CCBE1: variants seen among roughly 807,000 people sequenced by gnomAD.
The protein encoded by CCBE1 is collagen and calcium binding EGF domains 1, also known as collagen and calcium-binding EGF domain-containing protein 1.
Under a neutral mutation model 50.0 loss-of-function variants are expected in CCBE1, and 37 were observed. The observed-to-expected ratio is 0.74, with a 90% CI of 0.57 to 0.97. The LOEUF (loss-of-function observed/expected upper bound fraction) is 0.97. Among genes scored for constraint, CCBE1 ranks in the 50% least tolerant of loss-of-function variants. The pLI is 0.00. For missense variants in CCBE1, 538 were observed against 523.8 expected, an observed-to-expected ratio of 1.03 and a Z score of -0.26; for synonymous variants, 234 against 203.7, an observed-to-expected ratio of 1.15 and a Z score of -1.27.
At chr18:59,519,696 T>C (rs1437318149) in intron 2 of CCBE1, among the ~76,000 whole-genome samples, 2 of 152,242 alleles carry the variant, frequency 1.3e-5, no homozygotes, top group African/African-American at 2.4e-5. Context: ...TTTGTCAATT[T>C]TGGCTTTTGT....
chr18:59,558,809 G>A (rs2052689241), intron 2 of CCBE1, among the ~76,000 whole-genome samples: 1 of 152,222 alleles, frequency 6.6e-6, no homozygotes, highest in African/African-American at 2.4e-5. Context: ...AGCTGTGTAT[G>A]GGGGTGGCCA....
chr18:59,641,762 A>G (rs953883334), intron 2 of CCBE1, among the ~76,000 whole-genome samples: 1 of 152,174 alleles, frequency 6.6e-6, no homozygotes, highest in Non-Finnish European at 1.5e-5. Flanking sequence ...CAAAAGTCCA[A>G]AGGGATAACA....
intron 2 of CCBE1, among the ~76,000 whole-genome samples, chr18:59,594,101 T>A (rs2053315740): frequency 6.6e-6 from 1 of 152,156 alleles, no homozygotes; most frequent in East Asian, 1.9e-4. Flanking sequence ...AAATACCAAG[T>A]TCTCTCTCCT....
At chr18:59,437,975 C>A in intron 10 of CCBE1, 136 bp downstream of exon 10, 1 of 719,522 alleles carries the variant, frequency 1.4e-6, no homozygotes, top group Non-Finnish European at 2.4e-6. Context: ...TCTTCCTAAC[C>A]ACAGAGTTCT....
chr18:59,576,840 G>A (rs1466472780), intron 2 of CCBE1, among the ~76,000 whole-genome samples: 4 of 152,196 alleles, frequency 2.6e-5, no homozygotes, highest in Non-Finnish European at 5.9e-5. Context: ...CTAAAGATCT[G>A]TTTGCTGTCT....
chr18:59,697,626 G>C (rs1050953366), upstream of CCBE1: 12 of 436,070 alleles, frequency 2.8e-5, no homozygotes, highest in South Asian at 1.1e-4. Context: ...TTGTCTCGTC[G>C]GGACGTTCAC....
Position 59,447,976 on chromosome 18 carries a change from C to T in CCBE1, c.775+7G>A. ...GATCACCCTCCTGTGCCCTCTTCCA[C>T]ACTCACCGGGAGGGCCCTGGCCCCC... On this transcript the variant is annotated splice_region_variant and intron_variant, in intron 7 of 10. Transcript: ENST00000439986. 1.9e-6 allele frequency: 3 copies of T among 1,614,136 alleles called. No individual in the cohort carries two copies. The highest frequency in any genetic ancestry group is 1.1e-5 in the South Asian group (1 of 91,084).
At chr18:59,459,698 G>A (rs918726134) in intron 5 of CCBE1, among the ~76,000 whole-genome samples, 1 of 152,156 alleles carries the variant, frequency 6.6e-6, no homozygotes, top group African/African-American at 2.4e-5. Context: ...AATGAACAAA[G>A]CATGTTTGTG....
chr18:59,440,722 G>C (rs1203936655), intron 7 of CCBE1, among the ~76,000 whole-genome samples: 2 of 152,114 alleles, frequency 1.3e-5, no homozygotes, highest in Admixed American at 6.5e-5. Context: ...AGGCATGCTG[G>C]GGGATGAGTT....
At chr18:59,525,461 G>T (rs1028190576) in intron 2 of CCBE1, among the ~76,000 whole-genome samples, 1 of 152,070 alleles carries the variant, frequency 6.6e-6, no homozygotes, top group Non-Finnish European at 1.5e-5. Context: ...TTTGTCAGAT[G>T]GATAGGTTGC....
intron 2 of CCBE1, among the ~76,000 whole-genome samples, chr18:59,494,374 C>A (rs767912154): frequency 2.6e-5 from 4 of 152,266 alleles, no homozygotes; most frequent in Non-Finnish European, 4.4e-5. Context: ...CTTAGACAAC[C>A]TTTAGGATGT....
intron 2 of CCBE1, among the ~76,000 whole-genome samples, chr18:59,534,867 G>A (rs1398270682): frequency 6.6e-6 from 1 of 152,198 alleles, no homozygotes; most frequent in Non-Finnish European, 1.5e-5. Flanking sequence ...TTGAGCATGA[G>A]GAGGGAAGGA....
In CCBE1 at chr18:59,439,783, G is replaced by C; in HGVS notation, c.809C>G (p.Pro270Arg). 6.2e-7 allele frequency: 1 copy of C among 1,614,048 alleles called. No homozygotes were observed. Among genetic ancestry groups the C allele is most frequent in the Non-Finnish European group, 8.5e-7 (1 of 1,180,002 alleles). The change falls in exon 8 of 11, where the codon CCC becomes CGC. Residue 270 changes from proline (P) to arginine (R), a missense_variant. By Grantham distance (103) the Pro-to-Arg change is moderately radical (BLOSUM62 -2). Coordinates refer to ENST00000439986, the MANE Select transcript of CCBE1 (RefSeq NM_133459.4). ...SPGPKGSPGF[P>R]GMPGPPGQPG... ...CTGCCCAGGAGGGCCTGGCATACCG[G>C]GGAAGCCTGGGCTTCCCTTTGGTCC...
chr18:59,652,958 C>G (rs1033240703), intron 2 of CCBE1, among the ~76,000 whole-genome samples: 5 of 68,390 alleles, frequency 7.3e-5, no homozygotes, highest in African/African-American at 2.7e-4. Context: ...AGTGAGACTC[C>G]GTCTCAAAAA....
chr18:59,553,305 A>G (rs935406097), intron 2 of CCBE1, among the ~76,000 whole-genome samples: 1 of 152,234 alleles, frequency 6.6e-6, no homozygotes, highest in African/African-American at 2.4e-5. Flanking sequence ...GCATGAGCAC[A>G]TGTAACAGAC....
chr18:59,665,354 A>G (rs1319034471), intron 2 of CCBE1, among the ~76,000 whole-genome samples: 1 of 152,220 alleles, frequency 6.6e-6, no homozygotes, highest in Non-Finnish European at 1.5e-5. Flanking sequence ...AAAGGCCTCC[A>G]GTGATTAACA....
intron 2 of CCBE1, among the ~76,000 whole-genome samples, chr18:59,493,737 C>CT (rs540157823): frequency 2.0e-4 from 30 of 152,088 alleles, no homozygotes; most frequent in Non-Finnish European, 3.4e-4. Context: ...AATGGATATG[C>CT]TTAGTGGTAT....
intron 2 of CCBE1, among the ~76,000 whole-genome samples, chr18:59,561,806 T>G (rs1013076216): frequency 6.6e-6 from 1 of 152,178 alleles, no homozygotes; most frequent in Non-Finnish European, 1.5e-5. Context: ...GAGCCGGCTG[T>G]GCAGCTGTGT....
At chr18:59,516,442 C>T (rs966373029) in intron 2 of CCBE1, among the ~76,000 whole-genome samples, 12 of 152,138 alleles carry the variant, frequency 7.9e-5, no homozygotes, top group Non-Finnish European at 1.3e-4. Flanking sequence ...GAAGGGCCAG[C>T]AAATATGTCA....
Sources: gnomAD v4.1 joint callset for allele counts (sites outside exome capture counted in the v4.1 genomes callset) on GRCh38, gnomAD v4.1.1 for gene constraint, MANE v1.5 for transcripts, NCBI Gene and HGNC (gene_info 2026-07-23, HGNC 2026-07-21) for gene names.